MSR1: variants seen among roughly 807,000 people sequenced by gnomAD.
MSR1 encodes macrophage scavenger receptor types I and II.
In MSR1, 53 loss-of-function variants were observed where a neutral mutation model predicts 47.2. The ratio of observed to expected loss-of-function variants is 1.12; its 90% CI spans 0.90 to 1.41. MSR1 has a LOEUF of 1.41. Ranked by LOEUF, MSR1 falls within the 40% of genes most tolerant of loss-of-function variation. The pLI, the probability that MSR1 is intolerant of heterozygous loss-of-function variation, is 0.00. For synonymous variants in MSR1, 239 were observed against 185.6 expected, an observed-to-expected ratio of 1.29 and a Z score of -2.34; for missense variants, 786 against 546.9, an observed-to-expected ratio of 1.44 and a Z score of -4.36.
chr8:16,113,355 T>C (rs976761209), intron 9 of MSR1, among the ~76,000 whole-genome samples: 26 of 152,162 alleles, frequency 1.7e-4, no homozygotes, highest in African/African-American at 6.3e-4. Flanking sequence ...GTAATCAGTT[T>C]CATACATCAT....
At chr8:16,124,657 A>G (rs879357995) in intron 8 of MSR1, among the ~76,000 whole-genome samples, 1 of 151,938 alleles carries the variant, frequency 6.6e-6, no homozygotes, top group Admixed American at 6.6e-5. Context: ...CCAAATTTCG[A>G]TTGGTTACTC....
chr8:16,182,600 T>C (rs959439250), intron 1 of MSR1, among the ~76,000 whole-genome samples: 7 of 152,060 alleles, frequency 4.6e-5, no homozygotes, highest in Non-Finnish European at 1.0e-4. Flanking sequence ...AACTTTTTTG[T>C]TGATAACTAA....
intron 8 of MSR1, among the ~76,000 whole-genome samples, chr8:16,136,943 G>A (rs539546214): frequency 1.4e-4 from 22 of 152,056 alleles, no homozygotes; most frequent in African/African-American, 4.8e-4. Context: ...TGTCAAGGAT[G>A]AGCAGCATTT....
rs533130717 is a variant in MSR1 at position 16,175,207 on chromosome 8, G to C, written c.197C>G (p.Pro66Arg). The C allele has an allele frequency of 5.0e-6, 8 of 1,613,966 alleles. No homozygotes were observed. The highest frequency in any genetic ancestry group is 6.8e-6 in the Non-Finnish European group (8 of 1,179,926). ...LYLLVFAVLIPLIGIVAAQLL... is the reference protein window; with the variant it reads ...LYLLVFAVLIRLIGIVAAQLL... ...GTTACCTGCCACTATTCCAATGAGA[G>C]GGATGAGAACTGCAAACACGAGGAG... The change falls in exon 3 of 10, where the codon CCT becomes CGT. Residue 66 changes from proline (P) to arginine (R), a missense_variant. Pro to Arg is a moderately radical substitution (Grantham distance 103, BLOSUM62 -2). Coordinates refer to ENST00000262101, the MANE Select transcript of MSR1 (RefSeq NM_138715.3).
chr8:16,165,585 C>T (rs1267710805), intron 4 of MSR1, among the ~76,000 whole-genome samples: 2 of 151,866 alleles, frequency 1.3e-5, no homozygotes, highest in African/African-American at 4.8e-5. Flanking sequence ...TTAAGTACTC[C>T]TATGTTCTAA....
intron 1 of MSR1, among the ~76,000 whole-genome samples, chr8:16,183,246 T>C (rs141201850): frequency 1.1e-3 from 170 of 152,102 alleles, no homozygotes; most frequent in African/African-American, 3.9e-3. Flanking sequence ...AAATGCAAAA[T>C]AAACAGCTCA....
intron 8 of MSR1, among the ~76,000 whole-genome samples, chr8:16,136,706 G>C (rs767234931): frequency 6.6e-6 from 1 of 151,998 alleles, no homozygotes; most frequent in Admixed American, 6.6e-5. Context: ...GGGTTCAAGC[G>C]ATTCTCCTGC....
At chr8:16,173,016 A>C (rs1801532080) in intron 3 of MSR1, among the ~76,000 whole-genome samples, 1 of 152,130 alleles carries the variant, frequency 6.6e-6, no homozygotes, top group South Asian at 2.1e-4. Flanking sequence ...TTGTAAGTGG[A>C]TTGTGAATTG....
chr8:16,172,050 T>C (rs1801502114), intron 3 of MSR1, among the ~76,000 whole-genome samples: 1 of 152,216 alleles, frequency 6.6e-6, no homozygotes. Context: ...ATATGCCCAA[T>C]ATTGATTAAC....
intron 8 of MSR1, among the ~76,000 whole-genome samples, chr8:16,126,836 C>A (rs1025930334): frequency 1.4e-4 from 22 of 152,078 alleles, no homozygotes; most frequent in African/African-American, 5.3e-4. Flanking sequence ...GGATTACAGA[C>A]ATGAGCCACT....
At chr8:16,163,153 TAG>T (rs1236871916) in intron 5 of MSR1, among the ~76,000 whole-genome samples, 3 of 151,840 alleles carry the variant, frequency 2.0e-5, no homozygotes, top group African/African-American at 7.2e-5. Context: ...GTAATTTTGG[TAG>T]AGAGAAAAAT....
intron 3 of MSR1, among the ~76,000 whole-genome samples, chr8:16,174,245 G>T (rs10095510): frequency 0.43 from 64,523 of 151,460 alleles, 14,074 homozygotes; most frequent in South Asian, 0.5. Context: ...CTGGTCTTTA[G>T]GAACTTTTTT....
intron 7 of MSR1, among the ~76,000 whole-genome samples, chr8:16,146,753 C>A (rs372441379): frequency 2.6e-5 from 4 of 152,162 alleles, no homozygotes; most frequent in African/African-American, 9.6e-5. Context: ...ATGCTATGCC[C>A]CTTCTCTTTG....
At chr8:16,115,795 T>C (rs1185291602) in intron 9 of MSR1, among the ~76,000 whole-genome samples, 2 of 151,906 alleles carry the variant, frequency 1.3e-5, no homozygotes, top group African/African-American at 2.4e-5. Context: ...CTGAGCAACT[T>C]AGCAAGAACC....
chr8:16,149,482 C>A (rs773015582), intron 7 of MSR1, among the ~76,000 whole-genome samples: 1 of 151,982 alleles, frequency 6.6e-6, no homozygotes, highest in Non-Finnish European at 1.5e-5. Context: ...CCCACCTCAG[C>A]GTCTCAAATA....
rs574189311 is a variant in MSR1 at position 16,166,321 on chromosome 8, C to G, written c.631-2070G>C. 1.8e-4 allele frequency among the ~76,000 whole-genome samples: 24 copies of G among 130,844 alleles called. No homozygotes were observed. In the South Asian group the frequency reaches 7.2e-3, roughly 39 times the overall value. 85.8% of individuals were successfully genotyped at this position (130,844 alleles called of 152,430 possible). A position where few individuals can be genotyped will look rare whatever the true frequency, so the allele number is the denominator to read the frequency against. ...TACAGGTGCACACTACCACACCTGA[C>G]TAATTTTTTTTTTTTTAATTTTGTA... On this transcript the variant is annotated intron_variant, in intron 4 of 9. Transcript: ENST00000262101.
At chr8:16,140,915 A>C (rs1800539710) in intron 8 of MSR1, 1 of 1,610,880 alleles carries the variant, frequency 6.2e-7, no homozygotes, top group African/African-American at 1.3e-5. Flanking sequence ...AGGATCTTGG[A>C]AGTCAGTTGT....
intron 8 of MSR1, among the ~76,000 whole-genome samples, chr8:16,138,271 T>C (rs994306990): frequency 3.3e-5 from 5 of 152,136 alleles, no homozygotes; most frequent in African/African-American, 4.8e-5. Flanking sequence ...GGACAGAGCC[T>C]CACACAAGTG....
chr8:16,118,053 T>C (rs1430773327), intron 9 of MSR1, among the ~76,000 whole-genome samples: 1 of 152,136 alleles, frequency 6.6e-6, no homozygotes, highest in Non-Finnish European at 1.5e-5. Flanking sequence ...AATACAGACT[T>C]GTCAGATCTC....
Sources: allele counts gnomAD v4.1 joint callset (sites outside exome capture counted in the v4.1 genomes callset), GRCh38; gene constraint gnomAD v4.1.1; transcripts MANE v1.5; gene names NCBI Gene and HGNC (gene_info 2026-07-23, HGNC 2026-07-21).